The following CACNA1B variants were observed in gnomAD, a reference collection of about 807,000 sequenced individuals.
CACNA1B encodes the protein calcium voltage-gated channel subunit alpha1 B, also known as voltage-dependent N-type calcium channel subunit alpha-1B.
CACNA1B carries 70 observed loss-of-function variants against 247.2 expected under a neutral mutation model. The ratio of observed to expected loss-of-function variants is 0.28; its 90% CI spans 0.23 to 0.35. The LOEUF (loss-of-function observed/expected upper bound fraction) is 0.35, where lower values mean the gene tolerates loss of function less well. Ranked by LOEUF, CACNA1B falls within the 10% of genes least tolerant of loss-of-function variation. CACNA1B has a pLI of 1.00. For missense variants in CACNA1B, 2,367 were observed against 3,197.4 expected (o/e 0.74, Z 6.26); for synonymous variants, 1,231 against 1,294.4 (o/e 0.95, Z 1.05).
chr9:138,099,538 C>A (rs545534545), intron 37 of CACNA1B, among the ~76,000 whole-genome samples: 1 of 147,376 alleles, frequency 6.8e-6, no homozygotes, highest in African/African-American at 2.5e-5. Context: ...CCTGTGTGTG[C>A]ATGTGCCTTT....
chr9:138,063,936 A>G (rs931448146), intron 31 of CACNA1B, among the ~76,000 whole-genome samples: 13 of 152,040 alleles, frequency 8.6e-5, no homozygotes, highest in African/African-American at 2.9e-4. Context: ...GGACTTTCCT[A>G]TTGTTATGTC....
chr9:138,046,082 C>A (rs1401008061), intron 21 of CACNA1B, among the ~76,000 whole-genome samples: 2 of 152,184 alleles, frequency 1.3e-5, no homozygotes, highest in African/African-American at 4.8e-5. Flanking sequence ...GGTTACTGTG[C>A]ACTCTCACGT....
chr9:137,992,227 T>G (rs1314474483), intron 15 of CACNA1B, among the ~76,000 whole-genome samples: 1 of 152,034 alleles, frequency 6.6e-6, no homozygotes, highest in Non-Finnish European at 1.5e-5. Flanking sequence ...TTACATAAAC[T>G]TAAAGGGGTG....
In CACNA1B at chr9:138,117,954, A is replaced by T; in HGVS notation, c.5786A>T (p.Gln1929Leu). The change falls in exon 43 of 47, where the codon CAA becomes CTA. Residue 1929 changes from glutamine to leucine, a missense_variant. Gln to Leu is a moderately radical substitution (Grantham distance 113). Around this residue, in one of 12 missense-constraint regions of CACNA1B, gnomAD observed 773 missense variants for 779.4 expected, o/e 0.99. Coordinates refer to ENST00000371372, the MANE Select transcript of CACNA1B (RefSeq NM_000718.4). ...SLSNGGAIQN[Q>L]ESGIKESVSW... is the part of the protein sequence containing the mutation. ...TGTCTTCTCTGCCACAGACAAAACC[A>T]AGAGAGTGGCATCAAAGAGTCTGTC... 1 of 1,583,004 alleles carries T rather than the reference A, an allele frequency of 6.3e-7. No homozygotes were observed. Among genetic ancestry groups the T allele is most frequent in the Non-Finnish European group, 8.6e-7 (1 of 1,160,740 alleles).
rs563555696 is a variant in CACNA1B at position 137,957,768 on chromosome 9, C to G, written c.1333+81C>G. ...ATGCTCCGCTTCCCCTGCTACCCAGCCACTGTTGGACGCCCCTTCTTGCCC... is the reference window on the plus strand; with the variant it reads ...ATGCTCCGCTTCCCCTGCTACCCAGGCACTGTTGGACGCCCCTTCTTGCCC... On this transcript the variant is annotated intron_variant, in intron 10 of 46. Coordinates refer to ENST00000371372, the MANE Select transcript of CACNA1B (RefSeq NM_000718.4). This position sits in a 1 kb window ranked among gnomAD's most constrained non-coding sequence, Gnocchi z 4.7. The G allele has an allele frequency of 4.9e-5, 50 of 1,026,686 alleles. No individual in the cohort carries two copies. The African/African-American group carries it at 7.5e-4, about 15-fold the overall frequency. 63.6% of individuals were successfully genotyped at this position (1,026,686 alleles called of 1,614,324 possible).
chr9:137,962,427 C>A (rs1396529019), intron 10 of CACNA1B, among the ~76,000 whole-genome samples: 1 of 150,712 alleles, frequency 6.6e-6, no homozygotes, highest in African/African-American at 2.4e-5. Context: ...TTGTTTTCTG[C>A]TAGCTTTGGG....
At chr9:138,113,079 G>GTGA (rs1307335460) in intron 40 of CACNA1B, among the ~76,000 whole-genome samples, 30 of 112,108 alleles carry the variant, frequency 2.7e-4, no homozygotes, top group East Asian at 5.9e-4. Context: ...ACTCCATCTT[G>GTGA]GAGACGTGAG....
intron 44 of CACNA1B, among the ~76,000 whole-genome samples, chr9:138,119,178 C>T (rs1005364562): frequency 6.6e-5 from 10 of 152,148 alleles, no homozygotes; most frequent in Admixed American, 2.6e-4. Context: ...CTCTCCCGCC[C>T]GTGGTTCTGC....
chr9:137,973,048 C>T lies in CACNA1B; in HGVS notation c.1543+1456C>T, dbSNP rs1958174325. On this transcript the variant is annotated intron_variant, in intron 11 of 46. Coordinates refer to ENST00000371372, the MANE Select transcript of CACNA1B (RefSeq NM_000718.4). This position sits in a 1 kb window ranked among gnomAD's most constrained non-coding sequence, Gnocchi z 4.1. Reference sequence around the variant, plus strand: ...CTTCCTCCTGACCCAGTGACTAGGCCTGTTCTTCCCCGTGAGAGGCTGTTG... The same window carrying T: ...CTTCCTCCTGACCCAGTGACTAGGCTTGTTCTTCCCCGTGAGAGGCTGTTG... Among the ~76,000 whole-genome samples the T allele has an allele frequency of 6.6e-6, 1 of 152,204 alleles. No homozygotes were observed. The highest frequency in any genetic ancestry group is 2.1e-4 in the South Asian group (1 of 4,828).
At chr9:138,071,727 T>C (rs1960141167) in intron 32 of CACNA1B, among the ~76,000 whole-genome samples, 1 of 152,178 alleles carries the variant, frequency 6.6e-6, no homozygotes, top group East Asian at 1.9e-4. Flanking sequence ...CCTGCCCTGT[T>C]GTCTTCCAGT....
intron 3 of CACNA1B, among the ~76,000 whole-genome samples, chr9:137,907,808 T>G (rs889756668): frequency 6.6e-6 from 1 of 152,216 alleles, no homozygotes; most frequent in African/African-American, 2.4e-5. Flanking sequence ...TCTTGTATTT[T>G]TTTGCAGCTT....
chr9:137,968,317 C>T (rs1958105146), intron 10 of CACNA1B, among the ~76,000 whole-genome samples: 1 of 152,206 alleles, frequency 6.6e-6, no homozygotes, highest in Non-Finnish European at 1.5e-5. Flanking sequence ...GTGTCACCAC[C>T]CCAGGCTTGC....
chr9:137,906,183 A>G (rs1247587524), intron 3 of CACNA1B, among the ~76,000 whole-genome samples: 2 of 152,180 alleles, frequency 1.3e-5, no homozygotes, highest in African/African-American at 2.4e-5. Flanking sequence ...AAAAGAAGAG[A>G]TGTTTTCCGG....
chr9:138,039,604 A>C (rs575772833), intron 20 of CACNA1B, among the ~76,000 whole-genome samples: 2 of 152,250 alleles, frequency 1.3e-5, no homozygotes, highest in Admixed American at 1.3e-4. Flanking sequence ...CAAATGTAAA[A>C]TTTTAATTTT....
At chr9:138,048,254 G>A (rs1959199719) in intron 23 of CACNA1B, among the ~76,000 whole-genome samples, 1 of 152,192 alleles carries the variant, frequency 6.6e-6, no homozygotes, top group Non-Finnish European at 1.5e-5. Context: ...ACAGCAGCAG[G>A]AGTGACAGAG....
intron 20 of CACNA1B, among the ~76,000 whole-genome samples, chr9:138,029,526 T>G (rs1252711443): frequency 2.0e-5 from 3 of 152,160 alleles, no homozygotes; most frequent in Non-Finnish European, 4.4e-5. Flanking sequence ...AAGAGTGGCT[T>G]AAAGTTTTAA....
rs908651974 is a variant in CACNA1B, at chr9:137,881,460, A to T, written c.391-1284A>T. ...ACTGGTGGCACTCACCTCACCTGGC[A>T]GCTCTGTGGCAGCCCAGCAGCTGCT... On this transcript the variant is annotated intron_variant, in intron 2 of 46. Coordinates refer to ENST00000371372, the MANE Select transcript of CACNA1B (RefSeq NM_000718.4). The surrounding 1 kb of genome is among the most constrained non-coding windows in gnomAD (Gnocchi z 4.3). Among the ~76,000 whole-genome samples the T allele has an allele frequency of 6.6e-6, 1 of 152,170 alleles. No homozygotes were observed. Among genetic ancestry groups the T allele is most frequent in the Non-Finnish European group, 1.5e-5 (1 of 68,018 alleles).
At chr9:138,001,410 G>T (rs1958576349) in intron 15 of CACNA1B, among the ~76,000 whole-genome samples, 3 of 88,902 alleles carry the variant, frequency 3.4e-5, no homozygotes. Flanking sequence ...ACACATATTT[G>T]TGAGTATACT....
intron 20 of CACNA1B, among the ~76,000 whole-genome samples, chr9:138,036,113 C>T (rs1255223967): frequency 6.6e-6 from 1 of 152,062 alleles, no homozygotes; most frequent in African/African-American, 2.4e-5. Flanking sequence ...CCCCCCCGCC[C>T]CTTCTGCCTG....
Sources: allele counts gnomAD v4.1 joint callset (sites outside exome capture counted in the v4.1 genomes callset), GRCh38; gene constraint gnomAD v4.1.1; regional missense constraint gnomAD v4.1.1; non-coding constraint Gnocchi (gnomAD v3.1); transcripts MANE v1.5; gene names NCBI Gene and HGNC (gene_info 2026-07-23, HGNC 2026-07-21).